The following DLGAP1 variants were observed in gnomAD, a reference collection of about 807,000 sequenced individuals.
The protein encoded by DLGAP1 is disks large-associated protein 1.
A neutral mutation model predicts 90.8 loss-of-function variants in DLGAP1; 11 were observed. That is an observed-to-expected ratio of 0.12 (90% CI 0.08 to 0.20). The LOEUF (loss-of-function observed/expected upper bound fraction) is 0.20. Ranked by LOEUF, DLGAP1 falls within the 10% of genes least tolerant of loss-of-function variation. DLGAP1 has a pLI of 1.00. For missense variants in DLGAP1, 1,050 were observed against 1,333.8 expected, an observed-to-expected ratio of 0.79 and a Z score of 3.31; for synonymous variants, 558 against 540.7, an observed-to-expected ratio of 1.03 and a Z score of -0.44.
At chr18:3,909,508 T>C (rs943674751) in intron 3 of DLGAP1, among the ~76,000 whole-genome samples, 8 of 152,182 alleles carry the variant, frequency 5.3e-5, no homozygotes, top group Non-Finnish European at 7.4e-5. Flanking sequence ...TACTAATTTG[T>C]TGATATTATT....
intron 3 of DLGAP1, among the ~76,000 whole-genome samples, chr18:3,904,964 A>G (rs1198549123): frequency 1.3e-5 from 2 of 151,624 alleles, no homozygotes; most frequent in Non-Finnish European, 2.9e-5. Context: ...CTAAATAGAA[A>G]CCTTGGCCCT....
At chr18:4,147,004 C>T (rs1159621796) in intron 2 of DLGAP1, among the ~76,000 whole-genome samples, 3 of 152,168 alleles carry the variant, frequency 2.0e-5, no homozygotes, top group African/African-American at 7.2e-5. Flanking sequence ...GAAAAATTTA[C>T]CAAGCCAATC....
At position 3,659,310 on chromosome 18, in the gene DLGAP1, C is replaced by T. The variant is rs555000005; in HGVS notation, c.1591+69825G>A. Among the ~76,000 whole-genome samples, 5 of 151,770 alleles carry T rather than the reference C, an allele frequency of 3.3e-5. No individual in the cohort carries two copies. In the South Asian group the frequency reaches 6.2e-4, roughly 19 times the overall value. On this transcript the variant is annotated intron_variant, in intron 7 of 12. Coordinates refer to ENST00000315677, the MANE Select transcript of DLGAP1 (RefSeq NM_004746.4). ...AGCTACACATAGCACTGCTGACTTCCAGGACACACAATAGACATTATCTGG... is the reference window on the plus strand; with the variant it reads ...AGCTACACATAGCACTGCTGACTTCTAGGACACACAATAGACATTATCTGG...
At chr18:4,114,101 A>T (rs1598424194) in intron 2 of DLGAP1, among the ~76,000 whole-genome samples, 2 of 103,360 alleles carry the variant, frequency 1.9e-5, no homozygotes, top group Non-Finnish European at 4.2e-5. Flanking sequence ...TGCTTTGGAT[A>T]ATTTTTTTTT....
chr18:3,571,700 T>C (rs566040515), intron 8 of DLGAP1, among the ~76,000 whole-genome samples: 1 of 151,554 alleles, frequency 6.6e-6, no homozygotes, highest in South Asian at 2.2e-4. Context: ...CTAATTTTTG[T>C]ATTTTTTAGT....
intron 1 of DLGAP1, among the ~76,000 whole-genome samples, chr18:4,390,697 C>A (rs2082323701): frequency 6.6e-6 from 1 of 152,192 alleles, no homozygotes; most frequent in Non-Finnish European, 1.5e-5. Context: ...GGCTTGATAG[C>A]TGAATAATAT....
intron 7 of DLGAP1, among the ~76,000 whole-genome samples, chr18:3,659,978 G>T (rs1304764763): frequency 1.3e-5 from 2 of 152,120 alleles, no homozygotes; most frequent in Non-Finnish European, 2.9e-5. Flanking sequence ...GCCCTTGGCT[G>T]GTGTACTTGC....
chr18:4,211,756 C>A (rs1261447533), intron 1 of DLGAP1, among the ~76,000 whole-genome samples: 1 of 152,076 alleles, frequency 6.6e-6, no homozygotes, highest in African/African-American at 2.4e-5. Context: ...AAGCAGTACA[C>A]CCCTATGTAA....
At position 4,082,799 on chromosome 18, in the gene DLGAP1, T is replaced by C. The variant is rs1008137961; in HGVS notation, c.-159+68381A>G. Among the ~76,000 whole-genome samples the C allele has an allele frequency of 7.3e-5, 9 of 122,556 alleles. No homozygotes were observed. In the East Asian group the frequency reaches 1.8e-3, roughly 24 times the overall value. The allele number at this position is 122,556 out of a possible 152,430, so 80.4% of individuals were successfully genotyped here. On this transcript the variant is annotated intron_variant, in intron 2 of 12. Coordinates refer to ENST00000315677, the MANE Select transcript of DLGAP1 (RefSeq NM_004746.4). ...GGTGTCAGAACAAGAAAGATTCCAG[T>C]TGAGGTCTGTCTGGCTTCTTTGCTA...
At chr18:4,300,407 C>T (rs1273758420) in intron 1 of DLGAP1, among the ~76,000 whole-genome samples, 2 of 152,184 alleles carry the variant, frequency 1.3e-5, no homozygotes, top group African/African-American at 4.8e-5. Flanking sequence ...GCAAATTTTA[C>T]TGATCGCTTT....
At position 3,800,818 on chromosome 18, in the gene DLGAP1, C is replaced by T. The variant is rs112373513; in HGVS notation, c.1172+13241G>A. Among the ~76,000 whole-genome samples the T allele has an allele frequency of 1.1e-3, 163 of 152,068 alleles. 2 individuals are homozygous for T. Among genetic ancestry groups the T allele is most frequent in the African/African-American group, 3.7e-3 (153 of 41,464 alleles). On this transcript the variant is annotated intron_variant, in intron 5 of 12. Coordinates refer to ENST00000315677, the MANE Select transcript of DLGAP1 (RefSeq NM_004746.4). ...TATATTGGAGAATGGCGTATCACTACGGCAAGCAAGACAAAATAATAGCAG... is the reference window on the plus strand; with the variant it reads ...TATATTGGAGAATGGCGTATCACTATGGCAAGCAAGACAAAATAATAGCAG...
chr18:3,945,367 A>T (rs998414270), intron 3 of DLGAP1, among the ~76,000 whole-genome samples: 9 of 152,238 alleles, frequency 5.9e-5, no homozygotes, highest in African/African-American at 1.9e-4. Context: ...TGAAGCAACA[A>T]GTAAACATCA....
At chr18:3,910,964 G>T (rs2072020163) in intron 3 of DLGAP1, among the ~76,000 whole-genome samples, 1 of 152,208 alleles carries the variant, frequency 6.6e-6, no homozygotes, top group Non-Finnish European at 1.5e-5. Context: ...AGGAGTCATA[G>T]TTCTAATCCT....
At chr18:4,303,667 A>G (rs879778225) in intron 1 of DLGAP1, among the ~76,000 whole-genome samples, 7 of 152,238 alleles carry the variant, frequency 4.6e-5, no homozygotes. Context: ...CAATCCTTGC[A>G]GGGAATGAAC....
intron 1 of DLGAP1, among the ~76,000 whole-genome samples, chr18:4,259,919 G>A (rs564094709): frequency 1.4e-4 from 21 of 152,168 alleles, no homozygotes; most frequent in Admixed American, 2.6e-4. Flanking sequence ...TCTATTTTAT[G>A]CATTAAATTC....
chr18:3,662,297 T>C (rs917302647), intron 7 of DLGAP1, among the ~76,000 whole-genome samples: 10 of 152,152 alleles, frequency 6.6e-5, no homozygotes, highest in African/African-American at 2.4e-4. Flanking sequence ...TTTTAATGAC[T>C]GTAGAAATAT....
intron 2 of DLGAP1, among the ~76,000 whole-genome samples, chr18:4,051,346 G>C (rs187089707): frequency 2.2e-4 from 34 of 152,336 alleles, no homozygotes; most frequent in Non-Finnish European, 4.6e-4. Flanking sequence ...GTTCAGCATG[G>C]CTGGGGAGGT....
At chr18:3,625,932 T>C (rs566975691) in intron 7 of DLGAP1, among the ~76,000 whole-genome samples, 2 of 152,240 alleles carry the variant, frequency 1.3e-5, no homozygotes, top group Non-Finnish European at 2.9e-5. Context: ...CCTACATTTA[T>C]TCATTTTCCA....
At chr18:4,249,214 C>T (rs1356147500) in intron 1 of DLGAP1, among the ~76,000 whole-genome samples, 2 of 152,150 alleles carry the variant, frequency 1.3e-5, no homozygotes, top group Non-Finnish European at 2.9e-5. Flanking sequence ...TACATGAGGA[C>T]AAATTTCAGC....
Sources: gnomAD v4.1 joint callset for allele counts (sites outside exome capture counted in the v4.1 genomes callset) on GRCh38, gnomAD v4.1.1 for gene constraint, MANE v1.5 for transcripts, NCBI Gene and HGNC (gene_info 2026-07-23, HGNC 2026-07-21) for gene names.